GALNT7: variants seen among roughly 807,000 people sequenced by gnomAD.
The protein encoded by GALNT7 is N-acetylgalactosaminyltransferase 7.
GALNT7 carries 60 observed loss-of-function variants against 82.1 expected under a neutral mutation model. The ratio of observed to expected loss-of-function variants is 0.73; its 90% CI spans 0.59 to 0.91. The LOEUF (loss-of-function observed/expected upper bound fraction) is 0.91. Among genes scored for constraint, GALNT7 ranks in the 40% least tolerant of loss-of-function variants. The probability of loss-of-function intolerance (pLI) is 0.00; values close to 1 mark genes in which losing one functional copy is unlikely to be tolerated. For synonymous variants in GALNT7, 243 were observed against 275.1 expected (o/e 0.88, Z 1.15); for missense variants, 660 against 804.2 (o/e 0.82, Z 2.17).
intron 2 of GALNT7, among the ~76,000 whole-genome samples, chr4:173,250,943 G>A (rs991146893): frequency 1.3e-5 from 2 of 152,098 alleles, no homozygotes; most frequent in Non-Finnish European, 2.9e-5. Context: ...TAACCATGCT[G>A]TCTAATTTGC....
chr4:173,226,892 G>A lies in GALNT7; in HGVS notation c.127-21088G>A, dbSNP rs543730744. 2.6e-5 allele frequency among the ~76,000 whole-genome samples: 4 copies of A among 152,248 alleles called. No homozygotes were observed. In the East Asian group the frequency reaches 7.7e-4, roughly 29 times the overall value. Reference sequence around the variant, plus strand: ...GTCTTCATTTTTATTGGAAGACCTCGAAATACTTTAAATATGTTTGTTCTA... The same window carrying A: ...GTCTTCATTTTTATTGGAAGACCTCAAAATACTTTAAATATGTTTGTTCTA... On this transcript the variant is annotated intron_variant, in intron 1 of 11. Coordinates refer to ENST00000265000, the MANE Select transcript of GALNT7 (RefSeq NM_017423.3).
rs768226472 is a variant in GALNT7, at chr4:173,220,770, C to T, written c.127-27210C>T. Among the ~76,000 whole-genome samples, 8 of 151,202 alleles carry T rather than the reference C, an allele frequency of 5.3e-5. No individual in the cohort carries two copies. In the South Asian group the frequency reaches 6.3e-4, roughly 12 times the overall value. ...TGCGGTGTTTGGTTTCTTGTTCTTG[C>T]GATGGTTTACTGAGAATGATAATTT... On this transcript the variant is annotated intron_variant, in intron 1 of 11. Transcript: ENST00000265000.
rs937235510 is a variant in GALNT7, at chr4:173,320,519, C to T, written c.1837-1061C>T. Among the ~76,000 whole-genome samples the T allele has an allele frequency of 2.6e-5, 4 of 152,098 alleles. No individual in the cohort carries two copies. The highest frequency in any genetic ancestry group is 9.7e-5 in the African/African-American group (4 of 41,440). ...AGAAGAAGACAGCTGGATTCTCATACTCCTGCTTCATTTGGTCTGATCTGA... is the reference window on the plus strand; with the variant it reads ...AGAAGAAGACAGCTGGATTCTCATATTCCTGCTTCATTTGGTCTGATCTGA... On this transcript the variant is annotated intron_variant, in intron 11 of 11. Transcript: ENST00000265000. This position sits in a 1 kb window ranked among gnomAD's most constrained non-coding sequence, Gnocchi z 4.1.
intron 5 of GALNT7, chr4:173,297,839 A>G: frequency 6.8e-7 from 1 of 1,480,838 alleles, no homozygotes; most frequent in African/African-American, 1.4e-5. Context: ...GATGGGAATG[A>G]TTATTCCATT....
chr4:173,265,459 T>C (rs2126775183), intron 2 of GALNT7, among the ~76,000 whole-genome samples: 1 of 152,296 alleles, frequency 6.6e-6, no homozygotes, highest in East Asian at 1.9e-4. Flanking sequence ...GTATATTTCC[T>C]TATCCTTTAC....
At chr4:173,173,733 C>T (rs984388969) in intron 1 of GALNT7, among the ~76,000 whole-genome samples, 1 of 152,204 alleles carries the variant, frequency 6.6e-6, no homozygotes, top group Non-Finnish European at 1.5e-5. Flanking sequence ...AAACTAATGA[C>T]TCTCTGGATA....
At chr4:173,218,109 T>C (rs528952785) in intron 1 of GALNT7, among the ~76,000 whole-genome samples, 2 of 152,314 alleles carry the variant, frequency 1.3e-5, no homozygotes, top group South Asian at 2.1e-4. Context: ...ATGCTATTCA[T>C]TGGGCTTGGG....
intron 3 of GALNT7, among the ~76,000 whole-genome samples, chr4:173,293,164 A>G (rs1284422634): frequency 6.6e-6 from 1 of 152,202 alleles, no homozygotes; most frequent in African/African-American, 2.4e-5. Context: ...AAAGTTTATC[A>G]TATCCTAAAA....
chr4:173,280,975 G>A (rs1736090193), intron 2 of GALNT7, among the ~76,000 whole-genome samples: 1 of 152,198 alleles, frequency 6.6e-6, no homozygotes, highest in African/African-American at 2.4e-5. Flanking sequence ...TGTAATTGAA[G>A]GTAGCTCAAT....
intron 3 of GALNT7, among the ~76,000 whole-genome samples, chr4:173,293,347 TTTAGAG>T (rs148859751): frequency 0.024 from 3,591 of 152,138 alleles, 152 homozygotes; most frequent in African/African-American, 0.082. Context: ...GTCCCTTGAG[TTTAGAG>T]TAGGCAGAGA....
chr4:173,197,204 C>T (rs1732806045), intron 1 of GALNT7, among the ~76,000 whole-genome samples: 1 of 151,860 alleles, frequency 6.6e-6, no homozygotes. Flanking sequence ...CCAGACTCAT[C>T]ACTGAGATTC....
At chr4:173,264,118 C>T (rs936440237) in intron 2 of GALNT7, among the ~76,000 whole-genome samples, 2 of 152,062 alleles carry the variant, frequency 1.3e-5, no homozygotes, top group African/African-American at 2.4e-5. Context: ...GGGCATATTT[C>T]GATTTTTCCA....
chr4:173,182,336 C>T (rs901968152), intron 1 of GALNT7, among the ~76,000 whole-genome samples: 1 of 152,110 alleles, frequency 6.6e-6, no homozygotes, highest in Non-Finnish European at 1.5e-5. Context: ...AAGTAATATA[C>T]ATTTGTTCAG....
intron 1 of GALNT7, among the ~76,000 whole-genome samples, chr4:173,224,763 A>T (rs984596374): frequency 3.3e-5 from 5 of 152,034 alleles, no homozygotes; most frequent in Non-Finnish European, 7.4e-5. Context: ...CTGTAATCCC[A>T]GCACTTTGGG....
intron 1 of GALNT7, among the ~76,000 whole-genome samples, chr4:173,230,417 G>T (rs1171943095): frequency 6.6e-6 from 1 of 152,144 alleles, no homozygotes; most frequent in African/African-American, 2.4e-5. Context: ...TTGGTATTGT[G>T]AACATGGTTA....
intron 2 of GALNT7, among the ~76,000 whole-genome samples, chr4:173,260,895 T>C (rs980025221): frequency 2.0e-5 from 3 of 152,182 alleles, no homozygotes; most frequent in Non-Finnish European, 4.4e-5. Flanking sequence ...GGTGAACCCA[T>C]GAGTGATGGT....
At chr4:173,207,483 C>T (rs1357631115) in intron 1 of GALNT7, among the ~76,000 whole-genome samples, 1 of 152,084 alleles carries the variant, frequency 6.6e-6, no homozygotes, top group Non-Finnish European at 1.5e-5. Flanking sequence ...CTCTCGAAAC[C>T]ATCTTTCATA....
intron 2 of GALNT7, among the ~76,000 whole-genome samples, chr4:173,264,707 A>G (rs1016372018): frequency 6.6e-6 from 1 of 152,162 alleles, no homozygotes; most frequent in Non-Finnish European, 1.5e-5. Flanking sequence ...TTTTAAAATT[A>G]AGTTTTTCTG....
chr4:173,221,918 T>G (rs1733656165), intron 1 of GALNT7, among the ~76,000 whole-genome samples: 1 of 152,234 alleles, frequency 6.6e-6, no homozygotes, highest in Non-Finnish European at 1.5e-5. Context: ...TTGTGAGAGA[T>G]ACACTATTTT....
Sources: gnomAD v4.1 joint callset for allele counts (sites outside exome capture counted in the v4.1 genomes callset) on GRCh38, gnomAD v4.1.1 for gene constraint, Gnocchi (gnomAD v3.1) non-coding constraint, MANE v1.5 for transcripts, NCBI Gene and HGNC (gene_info 2026-07-23, HGNC 2026-07-21) for gene names.